Variants in SLC35F3 observed in about 807,000 individuals in gnomAD.
SLC35F3 encodes putative thiamine transporter SLC35F3.
Under a neutral mutation model 49.9 loss-of-function variants are expected in SLC35F3, and 25 were observed. The observed-to-expected ratio is 0.50, with a 90% CI of 0.37 to 0.70. The LOEUF is 0.70. SLC35F3 is among the 30% of genes least tolerant of loss of function. SLC35F3 has a pLI of 0.00. For missense variants in SLC35F3, 525 were observed against 639.8 expected, an observed-to-expected ratio of 0.82 and a Z score of 1.94; for synonymous variants, 275 against 265.4, an observed-to-expected ratio of 1.04 and a Z score of -0.35.
intron 2 of SLC35F3, among the ~76,000 whole-genome samples, chr1:234,104,867 AT>A (rs570071450): frequency 1.2e-3 from 180 of 152,324 alleles, no homozygotes; most frequent in Non-Finnish European, 2.1e-3. Context: ...ACGGTGGCTT[AT>A]GCCTGTAATC....
chr1:234,167,561 A>G (rs1666338269), intron 2 of SLC35F3, among the ~76,000 whole-genome samples: 1 of 152,182 alleles, frequency 6.6e-6, no homozygotes, highest in Admixed American at 6.5e-5. Context: ...CAAGAATAAT[A>G]TTTGTAGGAG....
intron 2 of SLC35F3, among the ~76,000 whole-genome samples, chr1:233,979,882 G>A (rs562542368): frequency 3.2e-4 from 49 of 152,196 alleles, no homozygotes; most frequent in Non-Finnish European, 6.2e-4. Context: ...GCCCGTGGTC[G>A]TGATGGCATA....
intron 3 of SLC35F3, among the ~76,000 whole-genome samples, chr1:234,266,901 G>A (rs1318437830): frequency 2.6e-4 from 12 of 45,742 alleles, no homozygotes; most frequent in African/African-American, 1.0e-3. Flanking sequence ...TTTTTTTATT[G>A]ATCATTCTTG....
intron 3 of SLC35F3, among the ~76,000 whole-genome samples, chr1:234,303,455 C>T (rs1668724154): frequency 6.6e-6 from 1 of 152,228 alleles, no homozygotes; most frequent in African/African-American, 2.4e-5. Flanking sequence ...CCGTGTGGAG[C>T]TGGCCTGCTT....
rs368150495 is a variant in SLC35F3, at chr1:234,074,088, T to A, written c.284-157329T>A. Among the ~76,000 whole-genome samples the A allele has an allele frequency of 5.9e-5, 9 of 152,316 alleles. No homozygotes were observed. The East Asian group carries it at 1.5e-3, about 26-fold the overall frequency. ...GGTGCTACATTTTAAGAAACGTCCC[T>A]CTTGTCTCACGGTCTGAAAACTACC... On this transcript the variant is annotated intron_variant, in intron 2 of 7. Coordinates refer to ENST00000366618, the MANE Select transcript of SLC35F3 (RefSeq NM_173508.4).
intron 3 of SLC35F3, chr1:234,285,544 A>G (rs1459522883): frequency 5.9e-6 from 2 of 336,466 alleles, no homozygotes; most frequent in South Asian, 2.4e-5. Context: ...GCTGATGAAT[A>G]TGATCTAAGA....
At chr1:234,190,606 A>T (rs1228805855) in intron 2 of SLC35F3, among the ~76,000 whole-genome samples, 1 of 152,210 alleles carries the variant, frequency 6.6e-6, no homozygotes, top group East Asian at 1.9e-4. Flanking sequence ...GGATAGCAAC[A>T]CAATAATAGT....
At chr1:233,996,834 G>A (rs139496698) in intron 2 of SLC35F3, among the ~76,000 whole-genome samples, 60 of 152,258 alleles carry the variant, frequency 3.9e-4, no homozygotes, top group African/African-American at 1.2e-3. Context: ...ACTGAAGTTC[G>A]ACTTGGTTCA....
chr1:234,036,889 G>A (rs923016730), intron 2 of SLC35F3, among the ~76,000 whole-genome samples: 1 of 152,104 alleles, frequency 6.6e-6, no homozygotes, highest in African/African-American at 2.4e-5. Context: ...AGTTTCTTCA[G>A]GTCAACTAAG....
chr1:234,018,809 G>A (rs1663846620), intron 2 of SLC35F3, among the ~76,000 whole-genome samples: 1 of 152,238 alleles, frequency 6.6e-6, no homozygotes, highest in South Asian at 2.1e-4. Flanking sequence ...GGTCCAGGGT[G>A]TCATTTGGGA....
intron 2 of SLC35F3, among the ~76,000 whole-genome samples, chr1:234,119,616 T>C (rs1572059174): frequency 1.3e-5 from 2 of 152,192 alleles, no homozygotes; most frequent in Admixed American, 1.3e-4. Flanking sequence ...CTTCATCTAA[T>C]CTAATCATTA....
chr1:234,143,899 G>A (rs984998159), intron 2 of SLC35F3, among the ~76,000 whole-genome samples: 8 of 152,178 alleles, frequency 5.3e-5, no homozygotes, highest in African/African-American at 1.9e-4. Context: ...GGATGGCTGG[G>A]TCATATGATG....
intron 2 of SLC35F3, among the ~76,000 whole-genome samples, chr1:234,127,556 G>A (rs1665667226): frequency 6.6e-6 from 1 of 152,162 alleles, no homozygotes; most frequent in South Asian, 2.1e-4. Flanking sequence ...TCAAGGGGCA[G>A]ATGTTCCTGG....
At chr1:234,103,157 C>T (rs1478835093) in intron 2 of SLC35F3, among the ~76,000 whole-genome samples, 1 of 152,196 alleles carries the variant, frequency 6.6e-6, no homozygotes, top group East Asian at 1.9e-4. Flanking sequence ...TCTGATCTAC[C>T]TGTAAGAAAA....
At chr1:234,089,482 A>C (rs1209133570) in intron 2 of SLC35F3, among the ~76,000 whole-genome samples, 6 of 152,170 alleles carry the variant, frequency 3.9e-5, no homozygotes, top group Admixed American at 6.5e-5. Flanking sequence ...TGGGAGAAAA[A>C]CAGATGAAGG....
At chr1:234,059,185 T>G (rs1664500647) in intron 2 of SLC35F3, among the ~76,000 whole-genome samples, 1 of 152,096 alleles carries the variant, frequency 6.6e-6, no homozygotes, top group African/African-American at 2.4e-5. Flanking sequence ...TAAGTTCCAC[T>G]GTAATCTTAA....
intron 5 of SLC35F3, 32 bp from the exon 6 acceptor site, chr1:234,318,718 CT>C (rs746469473): frequency 3.8e-6 from 6 of 1,597,980 alleles, no homozygotes; most frequent in Non-Finnish European, 5.1e-6. Flanking sequence ...TGAGGTGAGC[CT>C]TCACCCCGTC....
intron 3 of SLC35F3, among the ~76,000 whole-genome samples, chr1:234,247,969 T>C (rs1317275174): frequency 6.6e-6 from 1 of 152,308 alleles, no homozygotes; most frequent in African/African-American, 2.4e-5. Flanking sequence ...ATTGCTTGGC[T>C]GGTCCATTGT....
intron 2 of SLC35F3, among the ~76,000 whole-genome samples, chr1:234,086,110 A>ATGAG (rs1342200794): frequency 2.6e-5 from 4 of 152,260 alleles, no homozygotes; most frequent in African/African-American, 9.6e-5. Flanking sequence ...TATTGAAGAA[A>ATGAG]TGAGTGAATG....
Sources: allele counts gnomAD v4.1 joint callset (sites outside exome capture counted in the v4.1 genomes callset), GRCh38; gene constraint gnomAD v4.1.1; transcripts MANE v1.5; gene names NCBI Gene and HGNC (gene_info 2026-07-23, HGNC 2026-07-21).